The following ADGB variants were observed in gnomAD, a reference collection of about 807,000 sequenced individuals.
ADGB encodes calpain-7-like protein.
Under a neutral mutation model 210.5 loss-of-function variants are expected in ADGB, and 172 were observed. The ratio of observed to expected loss-of-function variants is 0.82; its 90% CI spans 0.72 to 0.93. ADGB has a LOEUF of 0.93. Among genes scored for constraint, ADGB ranks in the 40% least tolerant of loss-of-function variants. ADGB has a pLI of 0.00. For synonymous variants in ADGB, 658 were observed against 662.7 expected, an observed-to-expected ratio of 0.99 and a Z score of 0.11; for missense variants, 2,025 against 1,964.8, an observed-to-expected ratio of 1.03 and a Z score of -0.58.
chr6:146,685,579 A>G (rs1776220347), intron 9 of ADGB, among the ~76,000 whole-genome samples, 155 bp from the exon 10 acceptor site: 2 of 152,056 alleles, frequency 1.3e-5, no homozygotes, highest in Non-Finnish European at 2.9e-5. Context: ...TACATCTTTG[A>G]GATTTAACAT....
At chr6:146,636,641 T>G (rs1431207032) in intron 2 of ADGB, among the ~76,000 whole-genome samples, 1 of 151,698 alleles carries the variant, frequency 6.6e-6, no homozygotes, top group African/African-American at 2.4e-5. Context: ...TGTGGGTGTG[T>G]GTGGGTGTGG....
At chr6:146,651,756 CAA>C (rs1234436751) in intron 3 of ADGB, among the ~76,000 whole-genome samples, 55 of 152,118 alleles carry the variant, frequency 3.6e-4, no homozygotes, top group African/African-American at 1.1e-3. Context: ...GATTTTTAAG[CAA>C]ACATGTAATT....
At chr6:146,663,947 C>T (rs999511478) in intron 5 of ADGB, among the ~76,000 whole-genome samples, 1 of 152,090 alleles carries the variant, frequency 6.6e-6, no homozygotes, top group African/African-American at 2.4e-5. Flanking sequence ...ACTCCCAAGA[C>T]TTTGTTCACA....
intron 33 of ADGB, among the ~76,000 whole-genome samples, chr6:146,799,705 G>A (rs962435635): frequency 6.6e-6 from 1 of 151,982 alleles, no homozygotes; most frequent in Non-Finnish European, 1.5e-5. Context: ...TTAATAATGG[G>A]GGAGGCTACA....
At chr6:146,802,057 C>A in intron 35 of ADGB, 46 bp downstream of exon 35, 3 of 1,267,096 alleles carry the variant, frequency 2.4e-6, no homozygotes, top group South Asian at 2.1e-5. Context: ...CAAATTCTTT[C>A]GTAACATTAA....
chr6:146,752,413 G>C, intron 26 of ADGB, 117 bp from the exon 27 acceptor site: 3 of 897,356 alleles, frequency 3.3e-6, no homozygotes, highest in Non-Finnish European at 4.9e-6. Context: ...CTCAAACAGT[G>C]AGGGTCACAG....
intron 1 of ADGB, among the ~76,000 whole-genome samples, chr6:146,612,586 C>A (rs1254676089): frequency 4.6e-5 from 7 of 152,166 alleles, no homozygotes; most frequent in Admixed American, 4.6e-4. Context: ...CTAGTTGAGG[C>A]CCTTTTAAAC....
At chr6:146,772,499 TTGAA>T (rs1161589083) in intron 29 of ADGB, among the ~76,000 whole-genome samples, 1 of 147,590 alleles carries the variant, frequency 6.8e-6, no homozygotes, top group Non-Finnish European at 1.5e-5. Context: ...TCAAGGGCAT[TTGAA>T]TGGGGAAAAT....
At chr6:146,771,037 C>G (rs531551584) in intron 29 of ADGB, among the ~76,000 whole-genome samples, 1 of 152,022 alleles carries the variant, frequency 6.6e-6, no homozygotes, top group Admixed American at 6.6e-5. Flanking sequence ...ATATTCTTGC[C>G]TACTAGAAGA....
chr6:146,751,333 G>C (rs1209421559), intron 26 of ADGB, among the ~76,000 whole-genome samples: 1 of 152,074 alleles, frequency 6.6e-6, no homozygotes, highest in Non-Finnish European at 1.5e-5. Context: ...TGGCTGCATA[G>C]TATTCCATGG....
intron 27 of ADGB, 57 bp from the exon 28 acceptor site, chr6:146,763,844 A>G: frequency 7.2e-7 from 1 of 1,389,054 alleles, no homozygotes; most frequent in Non-Finnish European, 9.7e-7. Context: ...TGATTTAGTC[A>G]GTAATAACTA....
intron 11 of ADGB, among the ~76,000 whole-genome samples, 150 bp from the exon 12 acceptor site, chr6:146,692,673 TTA>T (rs1776346478): frequency 6.6e-6 from 1 of 152,336 alleles, no homozygotes; most frequent in South Asian, 2.1e-4. Context: ...AATAAAAGCT[TTA>T]TGTATGGTTT....
chr6:146,755,531 G>T (rs1431158305), intron 27 of ADGB, among the ~76,000 whole-genome samples: 2 of 152,054 alleles, frequency 1.3e-5, no homozygotes, highest in African/African-American at 4.8e-5. Flanking sequence ...GGATGTGTTT[G>T]CTTCCCCTTC....
At chr6:146,791,632 C>T (rs1184178349) in intron 33 of ADGB, among the ~76,000 whole-genome samples, 1 of 152,086 alleles carries the variant, frequency 6.6e-6, no homozygotes, top group Non-Finnish European at 1.5e-5. Context: ...CATGAGCCAC[C>T]CTGGCCTAAG....
intron 33 of ADGB, among the ~76,000 whole-genome samples, chr6:146,789,129 C>T (rs1446328064): frequency 6.6e-6 from 1 of 152,158 alleles, no homozygotes; most frequent in Non-Finnish European, 1.5e-5. Flanking sequence ...AAGGAAAATG[C>T]CTTTCCACAC....
chr6:146,760,662 C>T (rs1442702333), intron 27 of ADGB, among the ~76,000 whole-genome samples: 1 of 151,838 alleles, frequency 6.6e-6, no homozygotes, highest in African/African-American at 2.4e-5. Context: ...CATATGTATA[C>T]ATTTATTTTA....
At chr6:146,707,768 T>G (rs544657830) in intron 13 of ADGB, among the ~76,000 whole-genome samples, 2 of 152,142 alleles carry the variant, frequency 1.3e-5, no homozygotes, top group African/African-American at 2.4e-5. Flanking sequence ...TATAGTTGAG[T>G]CTTTGTTTTT....
rs563916371 is a variant in ADGB, at chr6:146,721,654, A to T, written c.2095+149A>T. ...GGAGTCCTAGGCCAGCCTGACCAAC[A>T]TGGTGAAACCTTGTCTCTACTAAAA... On this transcript the variant is annotated intron_variant, in intron 17 of 35. Transcript: ENST00000397944. 39 of 584,802 alleles carry T rather than the reference A, an allele frequency of 6.7e-5. 1 individual carries two copies. Among genetic ancestry groups the T allele is most frequent in the Non-Finnish European group, 9.2e-5 (30 of 327,404 alleles). 36.2% of individuals were successfully genotyped at this position (584,802 alleles called of 1,614,324 possible). A position where few individuals can be genotyped will look rare whatever the true frequency, so the allele number is the denominator to read the frequency against.
At position 146,733,873 on chromosome 6, in the gene ADGB, G is replaced by A. The variant is rs1363446648; in HGVS notation, c.2657-20G>A. On this transcript the variant is annotated intron_variant, in intron 21 of 35. Transcript: ENST00000397944. Reference sequence around the variant, plus strand: ...GATTAAATATAACTTTCAGTCCAAAGTTTGTTTTTCCCTTTCCAGTGGAAT... The same window carrying A: ...GATTAAATATAACTTTCAGTCCAAAATTTGTTTTTCCCTTTCCAGTGGAAT... 1 of 1,551,154 alleles carries A rather than the reference G, an allele frequency of 6.4e-7. No homozygotes were observed. Among genetic ancestry groups the A allele is most frequent in the Non-Finnish European group, 8.7e-7 (1 of 1,146,812 alleles).
Sources: gnomAD v4.1 joint callset for allele counts (sites outside exome capture counted in the v4.1 genomes callset) on GRCh38, gnomAD v4.1.1 for gene constraint, MANE v1.5 for transcripts, NCBI Gene and HGNC (gene_info 2026-07-23, HGNC 2026-07-21) for gene names.